SBNO2: variants seen among roughly 807,000 people sequenced by gnomAD.
SBNO2 encodes the protein protein strawberry notch homolog 2.
SBNO2 carries 89 observed loss-of-function variants against 146.3 expected under a neutral mutation model. That is an observed-to-expected ratio of 0.61 (90% CI 0.51 to 0.73). The LOEUF is 0.73. Among genes scored for constraint, SBNO2 ranks in the 30% least tolerant of loss-of-function variants. The probability of loss-of-function intolerance (pLI) is 0.00; values close to 1 mark genes in which losing one functional copy is unlikely to be tolerated. For missense variants in SBNO2, 2,092 were observed against 2,003.7 expected, an observed-to-expected ratio of 1.04 and a Z score of -0.84; for synonymous variants, 1,147 against 892.6, an observed-to-expected ratio of 1.29 and a Z score of -5.08.
At chr19:1,125,224 T>C (rs1207215963) in intron 5 of SBNO2, among the ~76,000 whole-genome samples, 5 of 148,664 alleles carry the variant, frequency 3.4e-5, no homozygotes, top group Admixed American at 6.7e-5. Flanking sequence ...CCAGGTGTGG[T>C]GGTGGGCGCC....
chr19:1,110,600 C>A lies in SBNO2; in HGVS notation c.3028+145G>T. 1.0e-6 allele frequency: 1 copy of A among 987,732 alleles called. No homozygotes were observed. Among genetic ancestry groups the A allele is most frequent in the Non-Finnish European group, 1.4e-6 (1 of 721,524 alleles). The allele number at this position is 987,732 out of a possible 1,614,324, so 61.2% of individuals were successfully genotyped here. A position where few individuals can be genotyped will look rare whatever the true frequency, so the allele number is the denominator to read the frequency against. ...CGTTCCCACGAGCCCCTCGCCCACC[C>A]GGGATGCACGGTGTTCCCACGAGCC... is the stretch of plus-strand genomic sequence containing the variant. On this transcript the variant is annotated intron_variant, in intron 26 of 31. Coordinates refer to ENST00000361757, the MANE Select transcript of SBNO2 (RefSeq NM_014963.3). The surrounding 1 kb of genome is among the most constrained non-coding windows in gnomAD (Gnocchi z 4.9).
At chr19:1,162,160 TC>T (rs1391007573) in intron 1 of SBNO2, among the ~76,000 whole-genome samples, 1 of 96,964 alleles carries the variant, frequency 1.0e-5, no homozygotes, top group African/African-American at 4.1e-5. Context: ...AAGGTTTTAT[TC>T]TTTTTTAAAA....
intron 4 of SBNO2, chr19:1,132,306 T>G (rs2080039861): frequency 1.5e-6 from 2 of 1,308,662 alleles, no homozygotes; most frequent in Non-Finnish European, 1.9e-6. Context: ...GCCTACTTCC[T>G]CTAAGGCCGG....
intron 1 of SBNO2, among the ~76,000 whole-genome samples, chr19:1,170,407 C>A (rs2080466303): frequency 6.6e-6 from 1 of 152,088 alleles, no homozygotes; most frequent in Non-Finnish European, 1.5e-5. Flanking sequence ...GGCGAGAGTG[C>A]AGAGGCGAGG....
chr19:1,162,338 T>G (rs1344691134), intron 1 of SBNO2, among the ~76,000 whole-genome samples: 1 of 148,750 alleles, frequency 6.7e-6, no homozygotes, highest in Non-Finnish European at 1.5e-5. Context: ...CGGGTGCCTG[T>G]AGTCCCAGCT....
At position 1,136,046 on chromosome 19, in the gene SBNO2, C is replaced by T. The variant is rs936653143; in HGVS notation, c.280-8281G>A. On this transcript the variant is annotated intron_variant, in intron 4 of 31. Transcript: ENST00000361757. This position sits in a 1 kb window ranked among gnomAD's most constrained non-coding sequence, Gnocchi z 4.2. ...AAAAAAAAAGGCCGCACTGGCCGAG[C>T]GGGTGTTCTGTGCCTGGTGTCCTCA... is the stretch of plus-strand genomic sequence containing the variant. Among the ~76,000 whole-genome samples, 4 of 152,012 alleles carry T rather than the reference C, an allele frequency of 2.6e-5. No homozygotes were observed. The highest frequency in any genetic ancestry group is 4.8e-5 in the African/African-American group (2 of 41,392).
intron 1 of SBNO2, among the ~76,000 whole-genome samples, chr19:1,165,875 CCCCAGAT>C (rs1469576552): frequency 3.4e-4 from 18 of 53,036 alleles, no homozygotes; most frequent in Non-Finnish European, 6.2e-4. Context: ...AGACCCCAGA[CCCCAGAT>C]CCCAGACCCC....
intron 1 of SBNO2, among the ~76,000 whole-genome samples, chr19:1,161,069 G>A (rs1308281996): frequency 1.5e-5 from 2 of 135,758 alleles, no homozygotes; most frequent in Non-Finnish European, 3.2e-5. Context: ...GGAGGTGGGG[G>A]TGGGGGTGCC....
intron 1 of SBNO2, chr19:1,169,043 TC>T (rs1327130743): frequency 1.3e-5 from 2 of 152,272 alleles, no homozygotes; most frequent in East Asian, 3.9e-4. Context: ...GGACGCTTGT[TC>T]TTGCTGGGGA....
At chr19:1,172,989 G>T (rs963396742) in intron 1 of SBNO2, among the ~76,000 whole-genome samples, 9 of 44,952 alleles carry the variant, frequency 2.0e-4, no homozygotes, top group Non-Finnish European at 4.2e-4. Flanking sequence ...ACATTTAAGA[G>T]ATTTTTTTTT....
Position 1,117,324 on chromosome 19 carries a change from T to C in SBNO2, c.1703A>G (p.Lys568Arg), listed in dbSNP as rs777167600. The change falls in exon 15 of 32, where the codon AAG (lysine) becomes AGG (arginine). Residue 568 changes from lysine to arginine, a missense_variant and splice_region_variant. Transcript: ENST00000361757. ...CCCTCGAAGGCCGCAGCCGCTCACC[T>C]TGTCTCGCGCCAGCTCCTCTCGGGC... Reference protein sequence around the residue: ...ELAREELARDKCVVIGLQSTG... With the variant: ...ELAREELARDRCVVIGLQSTG... 1.9e-6 allele frequency: 3 copies of C among 1,561,888 alleles called. No individual in the cohort carries two copies. The highest frequency in any genetic ancestry group is 1.7e-6 in the Non-Finnish European group (2 of 1,154,300).
intron 4 of SBNO2, among the ~76,000 whole-genome samples, chr19:1,138,646 TG>T (rs1282003483): frequency 6.6e-6 from 1 of 151,672 alleles, no homozygotes; most frequent in East Asian, 1.9e-4. Context: ...ACAGACACAG[TG>T]GGGCCCTCCA....
chr19:1,156,852 C>T (rs2080294039), intron 1 of SBNO2, among the ~76,000 whole-genome samples: 1 of 95,816 alleles, frequency 1.0e-5, no homozygotes, highest in Non-Finnish European at 2.4e-5. Context: ...ACCCGGGGCC[C>T]ATTTCCAAGT....
chr19:1,147,586 AG>A (rs926183808), intron 3 of SBNO2, among the ~76,000 whole-genome samples, 166 bp from the exon 4 acceptor site: 1 of 151,920 alleles, frequency 6.6e-6, no homozygotes, highest in African/African-American at 2.4e-5. Flanking sequence ...AGGGGCCTCC[AG>A]GGGGGTGGTG....
Position 1,132,202 on chromosome 19 carries a change from G to A in SBNO2, c.280-4437C>T, listed in dbSNP as rs1266296777. 5 of 1,358,700 alleles carry A rather than the reference G, an allele frequency of 3.7e-6. No individual in the cohort carries two copies. The African/African-American group carries it at 6.1e-5, about 17-fold the overall frequency. The allele number at this position is 1,358,700 out of a possible 1,614,324, so 84.2% of individuals were successfully genotyped here. ...GCCCGGGAGCGGCTCCCTCATGACC[G>A]CGGCAGCAGCCCCAGCATTGGGTCG... On this transcript the variant is annotated intron_variant, in intron 4 of 31. Transcript: ENST00000361757.
At chr19:1,161,033 C>G (rs1156764729) in intron 1 of SBNO2, among the ~76,000 whole-genome samples, 1 of 136,746 alleles carries the variant, frequency 7.3e-6, no homozygotes, top group African/African-American at 2.8e-5. Flanking sequence ...CTCCTCCAGC[C>G]AGGCACAGCC....
chr19:1,161,787 C>T (rs997860113), intron 1 of SBNO2, among the ~76,000 whole-genome samples: 5 of 151,764 alleles, frequency 3.3e-5, no homozygotes, highest in African/African-American at 7.3e-5. Context: ...CTGTGAGGCC[C>T]GGAGCCTCCC....
intron 18 of SBNO2, 105 bp downstream of exon 18, chr19:1,114,126 G>A (rs1288630648): frequency 8.2e-6 from 9 of 1,097,460 alleles, no homozygotes; most frequent in Non-Finnish European, 8.7e-6. Context: ...TGACCGCCAG[G>A]AGGCCGGGGG....
chr19:1,167,213 G>A (rs982172351), intron 1 of SBNO2, among the ~76,000 whole-genome samples: 2 of 152,256 alleles, frequency 1.3e-5, no homozygotes, highest in African/African-American at 4.8e-5. Context: ...CTGGAGGAGG[G>A]AACTGAGGGC....
Sources: gnomAD v4.1 joint callset for allele counts (sites outside exome capture counted in the v4.1 genomes callset) on GRCh38, gnomAD v4.1.1 for gene constraint, Gnocchi (gnomAD v3.1) non-coding constraint, MANE v1.5 for transcripts, NCBI Gene and HGNC (gene_info 2026-07-23, HGNC 2026-07-21) for gene names.